TAF3: variants seen among roughly 807,000 people sequenced by gnomAD.
The protein encoded by TAF3 is TATA-box binding protein associated factor 3.
TAF3 carries 7 observed loss-of-function variants against 80.6 expected under a neutral mutation model. The ratio of observed to expected loss-of-function variants is 0.09; its 90% CI spans 0.05 to 0.16. The LOEUF (loss-of-function observed/expected upper bound fraction) is 0.16, where lower values mean the gene tolerates loss of function less well. Among genes scored for constraint, TAF3 ranks in the 10% least tolerant of loss-of-function variants. TAF3 has a pLI of 1.00. For synonymous variants in TAF3, 444 were observed against 446.1 expected (o/e 1.00, Z 0.06); for missense variants, 921 against 1,140.2 (o/e 0.81, Z 2.77).
intron 1 of TAF3, among the ~76,000 whole-genome samples, chr10:7,821,233 T>C (rs923192281): frequency 6.6e-6 from 1 of 150,638 alleles, no homozygotes; most frequent in East Asian, 1.9e-4. Context: ...TTTTTTTTAA[T>C]GCTAATTTTG....
chr10:7,818,981 C>G lies in TAF3; in HGVS notation c.166+106C>G. On this transcript the variant is annotated intron_variant, in intron 1 of 6. Transcript: ENST00000344293. ...CCGGGGTGTGCATCCCGCACCCCGCCTCGAGATCTGCTGTTTCCTCGGCCT... is the reference window on the plus strand; with the variant it reads ...CCGGGGTGTGCATCCCGCACCCCGCGTCGAGATCTGCTGTTTCCTCGGCCT... The G allele has an allele frequency of 2.6e-6, 3 of 1,135,118 alleles. No homozygotes were observed. The African/African-American group carries it at 4.9e-5, about 18-fold the overall frequency. 70.3% of individuals were successfully genotyped at this position (1,135,118 alleles called of 1,614,324 possible).
At chr10:7,860,375 T>C (rs1051938753) in intron 2 of TAF3, among the ~76,000 whole-genome samples, 1 of 152,180 alleles carries the variant, frequency 6.6e-6, no homozygotes, top group African/African-American at 2.4e-5. Context: ...TAGGAGCATA[T>C]GATCTATGAG....
At chr10:7,908,189 A>G (rs1837623403) in intron 2 of TAF3, among the ~76,000 whole-genome samples, 1 of 152,062 alleles carries the variant, frequency 6.6e-6, no homozygotes, top group Non-Finnish European at 1.5e-5. Context: ...CGAGTCACAA[A>G]CTCAGATGCC....
At chr10:7,930,616 G>A (rs1007628701) in intron 2 of TAF3, among the ~76,000 whole-genome samples, 27 of 152,050 alleles carry the variant, frequency 1.8e-4, no homozygotes, top group Non-Finnish European at 3.7e-4. Flanking sequence ...TTTTATGTTG[G>A]ACACTAAGGG....
chr10:7,990,901 G>A (rs1257868900), intron 4 of TAF3, among the ~76,000 whole-genome samples: 1 of 152,180 alleles, frequency 6.6e-6, no homozygotes, highest in Non-Finnish European at 1.5e-5. Context: ...CTGCAGCTGA[G>A]GCTGGAAACT....
chr10:7,939,351 A>G (rs1837954574), intron 2 of TAF3, among the ~76,000 whole-genome samples: 1 of 152,128 alleles, frequency 6.6e-6, no homozygotes, highest in Non-Finnish European at 1.5e-5. Flanking sequence ...ATTCTCTGAA[A>G]AAACTGAGCT....
At chr10:7,908,267 G>A (rs1837624070) in intron 2 of TAF3, among the ~76,000 whole-genome samples, 1 of 152,094 alleles carries the variant, frequency 6.6e-6, no homozygotes, top group Non-Finnish European at 1.5e-5. Context: ...ACTGGAGGGG[G>A]CTTTTTCTGC....
intron 6 of TAF3, among the ~76,000 whole-genome samples, 186 bp downstream of exon 6, chr10:8,014,023 T>C (rs1832080783): frequency 6.6e-6 from 1 of 152,196 alleles, no homozygotes; most frequent in Admixed American, 6.5e-5. Context: ...GTGCTTAGAC[T>C]ATTGTTATTC....
intron 2 of TAF3, among the ~76,000 whole-genome samples, chr10:7,853,636 A>G (rs1218538011): frequency 6.6e-6 from 1 of 152,234 alleles, no homozygotes; most frequent in Non-Finnish European, 1.5e-5. Context: ...GCTTTAGATT[A>G]AACTAGAGGT....
chr10:7,949,273 A>T (rs1005125031), intron 2 of TAF3, among the ~76,000 whole-genome samples: 3 of 152,206 alleles, frequency 2.0e-5, no homozygotes, highest in Non-Finnish European at 4.4e-5. Context: ...CTTAATAATA[A>T]AGCACAGCCG....
intron 2 of TAF3, among the ~76,000 whole-genome samples, chr10:7,884,403 T>TTTTTTTTTTTTA (rs1837389202): frequency 6.7e-6 from 1 of 149,380 alleles, no homozygotes; most frequent in African/African-American, 2.5e-5. Context: ...TTTTTTTTTT[T>TTTTTTTTTTTTA]GAGATGGAGT....
intron 2 of TAF3, among the ~76,000 whole-genome samples, chr10:7,875,383 A>G (rs1837304284): frequency 3.3e-5 from 5 of 152,028 alleles, no homozygotes; most frequent in Admixed American, 3.3e-4. Context: ...CTACTTAGCC[A>G]TTTCTCTTTC....
intron 2 of TAF3, among the ~76,000 whole-genome samples, chr10:7,898,937 C>T (rs564488900): frequency 1.4e-4 from 22 of 152,118 alleles, no homozygotes; most frequent in African/African-American, 5.1e-4. Context: ...TCAGGGATGG[C>T]AAGTGGTGCG....
intron 2 of TAF3, among the ~76,000 whole-genome samples, chr10:7,950,214 G>T (rs1417180848): frequency 6.6e-6 from 1 of 152,164 alleles, no homozygotes; most frequent in Non-Finnish European, 1.5e-5. Context: ...AGAATGACCA[G>T]AGAATATGTC....
intron 3 of TAF3, among the ~76,000 whole-genome samples, chr10:7,967,731 A>G (rs1734185302): frequency 6.6e-6 from 1 of 152,224 alleles, no homozygotes; most frequent in Non-Finnish European, 1.5e-5. Flanking sequence ...TGACGCATAA[A>G]TGTCAGTAGA....
intron 2 of TAF3, among the ~76,000 whole-genome samples, chr10:7,930,885 C>T (rs911038566): frequency 1.4e-4 from 21 of 151,622 alleles, no homozygotes; most frequent in Non-Finnish European, 3.1e-4. Context: ...TTTTGTAGCA[C>T]CTATAAGATG....
rs550181393 is a variant in TAF3 at position 7,859,922 on chromosome 10, C to T, written c.409+35362C>T. The stretch of plus-strand genomic sequence containing the variant: ...CCTTGGTTCATGCCTCTCAATCCAT[C>T]TCATCCTAAATATGGCTACTAATGG... On this transcript the variant is annotated intron_variant, in intron 2 of 6. Coordinates refer to ENST00000344293, the MANE Select transcript of TAF3 (RefSeq NM_031923.4). Among the ~76,000 whole-genome samples, 9 of 152,316 alleles carry T rather than the reference C, an allele frequency of 5.9e-5. No individual in the cohort carries two copies. In the South Asian group the frequency reaches 1.2e-3, roughly 21 times the overall value.
At chr10:7,873,729 A>C (rs1837289950) in intron 2 of TAF3, among the ~76,000 whole-genome samples, 2 of 151,852 alleles carry the variant, frequency 1.3e-5, no homozygotes, top group South Asian at 4.2e-4. Flanking sequence ...GAATCAGCCA[A>C]ATAACAGAAG....
intron 4 of TAF3, among the ~76,000 whole-genome samples, chr10:7,992,666 G>A (rs1332587133): frequency 3.3e-5 from 5 of 152,140 alleles, no homozygotes; most frequent in African/African-American, 9.7e-5. Context: ...AGAAATTTCC[G>A]TAGTATTCTG....
Sources: allele counts gnomAD v4.1 joint callset (sites outside exome capture counted in the v4.1 genomes callset), GRCh38; gene constraint gnomAD v4.1.1; transcripts MANE v1.5; gene names NCBI Gene and HGNC (gene_info 2026-07-23, HGNC 2026-07-21).